The following IMMP2L variants were observed in gnomAD, a reference collection of about 807,000 sequenced individuals.
IMMP2L encodes mitochondrial inner membrane protease subunit 2.
In IMMP2L, 18 loss-of-function variants were observed where a neutral mutation model predicts 19.3. The observed-to-expected ratio is 0.93, with a 90% CI of 0.64 to 1.38. The LOEUF (loss-of-function observed/expected upper bound fraction) is 1.38, where lower values mean the gene tolerates loss of function less well. Ranked by LOEUF, IMMP2L falls within the 40% of genes most tolerant of loss-of-function variation. The probability of loss-of-function intolerance (pLI) is 0.00; values close to 1 mark genes in which losing one functional copy is unlikely to be tolerated. For missense variants in IMMP2L, 233 were observed against 218.2 expected (o/e 1.07, Z -0.43); for synonymous variants, 76 against 73.0 (o/e 1.04, Z -0.21).
intron 3 of IMMP2L, among the ~76,000 whole-genome samples, chr7:111,216,716 T>C (rs562573796): frequency 2.0e-5 from 3 of 152,218 alleles, no homozygotes; most frequent in East Asian, 1.9e-4. Flanking sequence ...TCTAACATTT[T>C]TGGCAAAAGA....
At chr7:111,164,918 A>G (rs983028321) in intron 3 of IMMP2L, among the ~76,000 whole-genome samples, 1 of 152,072 alleles carries the variant, frequency 6.6e-6, no homozygotes, top group African/African-American at 2.4e-5. Flanking sequence ...AAATACACAT[A>G]GCATAATATT....
chr7:111,380,752 T>C (rs1309063986), intron 3 of IMMP2L, among the ~76,000 whole-genome samples: 3 of 152,000 alleles, frequency 2.0e-5, no homozygotes, highest in Non-Finnish European at 2.9e-5. Flanking sequence ...AAAACTAGTC[T>C]AAAATTGGCC....
chr7:111,034,727 T>G (rs1188491358), intron 3 of IMMP2L, among the ~76,000 whole-genome samples: 1 of 152,186 alleles, frequency 6.6e-6, no homozygotes, highest in African/African-American at 2.4e-5. Flanking sequence ...TTATGCTGTA[T>G]AGAACTGCAT....
intron 5 of IMMP2L, among the ~76,000 whole-genome samples, chr7:110,849,890 A>C (rs1806024548): frequency 6.6e-6 from 1 of 152,096 alleles, no homozygotes; most frequent in African/African-American, 2.4e-5. Context: ...AAAAAATACA[A>C]ACAAAATTAG....
chr7:111,016,552 T>C (rs541530406), intron 3 of IMMP2L, among the ~76,000 whole-genome samples: 201 of 118,560 alleles, frequency 1.7e-3, no homozygotes, highest in African/African-American at 5.5e-3. Flanking sequence ...TAATATATAG[T>C]ATATATAATA....
intron 5 of IMMP2L, among the ~76,000 whole-genome samples, chr7:110,764,121 T>C (rs1028576642): frequency 3.3e-5 from 5 of 152,110 alleles, no homozygotes; most frequent in African/African-American, 1.2e-4. Context: ...CTGACTTGAA[T>C]ACAAGGTAAC....
At chr7:110,699,971 C>A (rs1335048983) in intron 5 of IMMP2L, among the ~76,000 whole-genome samples, 1 of 152,110 alleles carries the variant, frequency 6.6e-6, no homozygotes, top group Admixed American at 6.5e-5. Context: ...CTCTCTTATA[C>A]AGTCCATAGC....
chr7:111,080,940 C>A (rs992129025), intron 3 of IMMP2L, among the ~76,000 whole-genome samples: 1 of 151,956 alleles, frequency 6.6e-6, no homozygotes, highest in African/African-American at 2.4e-5. Flanking sequence ...AAATATATAC[C>A]CTAAGTAAAT....
chr7:111,532,060 G>C (rs1039174699), intron 1 of IMMP2L, among the ~76,000 whole-genome samples: 1 of 151,998 alleles, frequency 6.6e-6, no homozygotes, highest in Non-Finnish European at 1.5e-5. Context: ...TAGAAGAAGT[G>C]AGATAGGGGA....
intron 5 of IMMP2L, among the ~76,000 whole-genome samples, chr7:110,755,152 GT>G (rs1224728304): frequency 6.6e-6 from 1 of 151,852 alleles, no homozygotes; most frequent in Non-Finnish European, 1.5e-5. Context: ...TAAAACTATA[GT>G]TTTTAAAGAA....
intron 3 of IMMP2L, among the ~76,000 whole-genome samples, chr7:110,977,652 C>T (rs986041649): frequency 2.6e-5 from 4 of 151,888 alleles, no homozygotes; most frequent in African/African-American, 9.7e-5. Flanking sequence ...CAAATAAATG[C>T]CAAATGACTT....
intron 3 of IMMP2L, among the ~76,000 whole-genome samples, chr7:111,421,978 A>C (rs1835602818): frequency 6.6e-6 from 1 of 151,842 alleles, no homozygotes; most frequent in Admixed American, 6.6e-5. Flanking sequence ...TAAACAGAGA[A>C]TCCTTTCCCC....
chr7:110,842,601 T>C (rs997968992), intron 5 of IMMP2L, among the ~76,000 whole-genome samples: 3 of 151,964 alleles, frequency 2.0e-5, no homozygotes, highest in African/African-American at 4.8e-5. Context: ...GGAGGGGAGA[T>C]TGTGAGAGGT....
At chr7:111,282,042 T>C (rs186307410) in intron 3 of IMMP2L, among the ~76,000 whole-genome samples, 2 of 152,292 alleles carry the variant, frequency 1.3e-5, no homozygotes, top group East Asian at 3.9e-4. Flanking sequence ...AAAGAGAAAA[T>C]AATTGGGAAT....
chr7:111,021,690 C>T (rs963731076), intron 3 of IMMP2L, among the ~76,000 whole-genome samples: 8 of 152,174 alleles, frequency 5.3e-5, no homozygotes, highest in African/African-American at 1.7e-4. Context: ...CGAGGCCAGC[C>T]GGGCCAACAT....
intron 3 of IMMP2L, among the ~76,000 whole-genome samples, chr7:111,121,847 A>C (rs562707822): frequency 6.6e-6 from 1 of 152,060 alleles, no homozygotes; most frequent in African/African-American, 2.4e-5. Flanking sequence ...AACAATGATA[A>C]ACTGGATTAA....
At chr7:111,388,563 CA>C (rs1324152698) in intron 3 of IMMP2L, among the ~76,000 whole-genome samples, 2 of 151,920 alleles carry the variant, frequency 1.3e-5, no homozygotes, top group African/African-American at 4.8e-5. Flanking sequence ...AAGACATACC[CA>C]AAACTGGGAA....
At chr7:110,695,482 C>T (rs1278342789) in intron 5 of IMMP2L, among the ~76,000 whole-genome samples, 3 of 152,084 alleles carry the variant, frequency 2.0e-5, no homozygotes, top group African/African-American at 7.2e-5. Context: ...ATGTAATCCA[C>T]TGTGCCCAGC....
At chr7:111,151,676 C>T (rs1158863054) in intron 3 of IMMP2L, among the ~76,000 whole-genome samples, 2 of 152,138 alleles carry the variant, frequency 1.3e-5, no homozygotes, top group Admixed American at 6.5e-5. Context: ...CGGTGGCTCA[C>T]GCCTCTAACA....
Sources: allele counts gnomAD v4.1 joint callset (sites outside exome capture counted in the v4.1 genomes callset), GRCh38; gene constraint gnomAD v4.1.1; transcripts MANE v1.5; gene names NCBI Gene and HGNC (gene_info 2026-07-23, HGNC 2026-07-21).